The following FGF14 variants were observed in gnomAD, a reference collection of about 807,000 sequenced individuals.
The protein encoded by FGF14 is fibroblast growth factor 14, also known as fibroblast growth factor homologous factor 4.
Under a neutral mutation model 25.5 loss-of-function variants are expected in FGF14, and 5 were observed. The ratio of observed to expected loss-of-function variants is 0.20; its 90% CI spans 0.10 to 0.41. The LOEUF is 0.41. FGF14 is among the 10% of genes least tolerant of loss of function. FGF14 has a pLI of 1.00. For synonymous variants in FGF14, 138 were observed against 118.3 expected (o/e 1.17, Z -1.08); for missense variants, 222 against 320.1 (o/e 0.69, Z 2.34).
intron 1 of FGF14, among the ~76,000 whole-genome samples, chr13:101,991,842 C>T (rs968394806): frequency 2.0e-5 from 3 of 152,050 alleles, no homozygotes; most frequent in Admixed American, 6.6e-5. Flanking sequence ...ATTTTACCTC[C>T]AGCAGCTTTG....
chr13:101,824,551 T>C (rs745716915), intron 3 of FGF14, among the ~76,000 whole-genome samples: 1 of 152,216 alleles, frequency 6.6e-6, no homozygotes, highest in Non-Finnish European at 1.5e-5. Flanking sequence ...AAAACTAAAA[T>C]GAAGAATTGA....
At chr13:101,906,033 C>T (rs1300657577) in intron 1 of FGF14, among the ~76,000 whole-genome samples, 1 of 152,150 alleles carries the variant, frequency 6.6e-6, no homozygotes, top group Non-Finnish European at 1.5e-5. Flanking sequence ...TGTCTGGTTA[C>T]TTTCCCTACA....
At chr13:102,049,143 A>G (rs1048426455) in intron 1 of FGF14, among the ~76,000 whole-genome samples, 3 of 152,210 alleles carry the variant, frequency 2.0e-5, no homozygotes, top group Admixed American at 6.5e-5. Context: ...AATACAATCA[A>G]TATAAATATG....
intron 3 of FGF14, among the ~76,000 whole-genome samples, chr13:101,775,640 T>C (rs1196067032): frequency 6.6e-6 from 1 of 152,114 alleles, no homozygotes; most frequent in Non-Finnish European, 1.5e-5. Flanking sequence ...CAGGTTAGTA[T>C]AGCAGAGTGG....
chr13:102,178,752 C>T (rs376459872), intron 1 of FGF14, among the ~76,000 whole-genome samples: 4 of 151,940 alleles, frequency 2.6e-5, no homozygotes, highest in South Asian at 4.2e-4. Context: ...AGTAATCTAT[C>T]GTATGTGTGT....
intron 1 of FGF14, among the ~76,000 whole-genome samples, chr13:101,964,434 C>G (rs1170896068): frequency 2.0e-5 from 3 of 152,216 alleles, no homozygotes; most frequent in Non-Finnish European, 4.4e-5. Flanking sequence ...GGAGCTGGGT[C>G]TATCCAGCCC....
chr13:102,297,381 G>C (rs572509355), intron 1 of FGF14, among the ~76,000 whole-genome samples: 1 of 152,032 alleles, frequency 6.6e-6, no homozygotes, highest in Non-Finnish European at 1.5e-5. Context: ...AACAGGAAAA[G>C]GACATTAGGT....
At chr13:102,150,225 C>T (rs532266917) in intron 1 of FGF14, among the ~76,000 whole-genome samples, 40 of 151,700 alleles carry the variant, frequency 2.6e-4, no homozygotes, top group Middle Eastern at 3.4e-3. Context: ...TGTGGCTGGA[C>T]GATCTAAAAT....
intron 1 of FGF14, among the ~76,000 whole-genome samples, chr13:101,927,433 T>C (rs2034441725): frequency 2.0e-5 from 3 of 152,198 alleles, no homozygotes; most frequent in African/African-American, 4.8e-5. Flanking sequence ...CATTTCTCCA[T>C]GAAATGGGCT....
intron 1 of FGF14, among the ~76,000 whole-genome samples, chr13:102,353,459 C>A (rs539612758): frequency 3.9e-5 from 6 of 152,266 alleles, no homozygotes; most frequent in Non-Finnish European, 7.4e-5. Context: ...CATAGATACC[C>A]AACTGCCTTC....
intron 1 of FGF14, among the ~76,000 whole-genome samples, chr13:101,911,377 T>G (rs2032916224): frequency 6.6e-6 from 1 of 152,138 alleles, no homozygotes. Flanking sequence ...CCATAGATTA[T>G]TAATATATGT....
chr13:101,831,309 T>C (rs2042660503), intron 3 of FGF14, among the ~76,000 whole-genome samples: 1 of 151,976 alleles, frequency 6.6e-6, no homozygotes, highest in Non-Finnish European at 1.5e-5. Flanking sequence ...CTTGCACTCC[T>C]GGCCTCAAAC....
intron 1 of FGF14, among the ~76,000 whole-genome samples, chr13:102,105,601 G>A (rs188201741): frequency 3.9e-5 from 6 of 152,252 alleles, no homozygotes; most frequent in African/African-American, 7.2e-5. Context: ...TTCTAAAAGC[G>A]TGAAATATTA....
chr13:101,790,598 C>CCA (rs1233086178), intron 3 of FGF14, among the ~76,000 whole-genome samples: 1 of 152,074 alleles, frequency 6.6e-6, no homozygotes, highest in African/African-American at 2.4e-5. Flanking sequence ...AATAAATACA[C>CCA]CACCTAGACG....
intron 3 of FGF14, among the ~76,000 whole-genome samples, chr13:101,813,665 T>C (rs141865988): frequency 0.013 from 1,993 of 150,784 alleles, 18 homozygotes; most frequent in Middle Eastern, 0.065. Context: ...CCTCAAACAG[T>C]GTATGAGCAG....
At chr13:102,071,415 T>C (rs928789053) in intron 1 of FGF14, among the ~76,000 whole-genome samples, 7 of 152,222 alleles carry the variant, frequency 4.6e-5, no homozygotes, top group African/African-American at 1.2e-4. Flanking sequence ...CAATTTTAGA[T>C]TGATGACAGT....
chr13:101,805,989 TATAC>T (rs1389991906), intron 3 of FGF14, among the ~76,000 whole-genome samples: 44 of 152,110 alleles, frequency 2.9e-4, no homozygotes, highest in African/African-American at 9.6e-4. Context: ...TGTATATACA[TATAC>T]ATATATTTAT....
chr13:101,885,417 G>A (rs191026594), intron 1 of FGF14, among the ~76,000 whole-genome samples: 8 of 152,170 alleles, frequency 5.3e-5, no homozygotes, highest in Admixed American at 1.3e-4. Context: ...ACTTTCCCCC[G>A]ACTCTCCCAA....
intron 3 of FGF14, among the ~76,000 whole-genome samples, chr13:101,777,453 G>A (rs1041105313): frequency 6.6e-6 from 1 of 152,030 alleles, no homozygotes; most frequent in African/African-American, 2.4e-5. Flanking sequence ...AGAGTTCCAG[G>A]GCTGTCACCA....
Sources: allele counts gnomAD v4.1 joint callset (sites outside exome capture counted in the v4.1 genomes callset), GRCh38; gene constraint gnomAD v4.1.1; transcripts MANE v1.5; gene names NCBI Gene and HGNC (gene_info 2026-07-23, HGNC 2026-07-21).